DNAH8: variants seen among roughly 807,000 people sequenced by gnomAD.
DNAH8 encodes the protein dynein axonemal heavy chain 8, also known as axonemal beta dynein heavy chain 8.
A neutral mutation model predicts 562.1 loss-of-function variants in DNAH8; 382 were observed. The ratio of observed to expected loss-of-function variants is 0.68; its 90% CI spans 0.63 to 0.74. The LOEUF is 0.74. DNAH8 is among the 30% of genes least tolerant of loss of function. The pLI is 0.00. For missense variants in DNAH8, 5,203 were observed against 5,620.4 expected (o/e 0.93, Z 2.37); for synonymous variants, 1,881 against 1,919.4 (o/e 0.98, Z 0.52).
chr6:38,915,867 CAT>C (rs1781277002), intron 68 of DNAH8, among the ~76,000 whole-genome samples: 1 of 141,512 alleles, frequency 7.1e-6, no homozygotes, highest in Middle Eastern at 3.6e-3. Context: ...CACACACACA[CAT>C]ACATACACAT....
At chr6:38,918,514 GA>G (rs1781474136) in intron 70 of DNAH8, among the ~76,000 whole-genome samples, 2 of 152,178 alleles carry the variant, frequency 1.3e-5, no homozygotes, top group Non-Finnish European at 1.5e-5. Flanking sequence ...TTGACACCTA[GA>G]AAGGTTTTAA....
In DNAH8 at chr6:38,823,021, A is replaced by G; in HGVS notation, c.3707A>G (p.Asp1236Gly). The change falls in exon 27 of 93, where the codon GAT (aspartate) becomes GGT (glycine). Residue 1236 changes from aspartate to glycine, a missense_variant. Asp to Gly is a moderately conservative substitution (Grantham distance 94). Coordinates refer to ENST00000327475, the MANE Select transcript of DNAH8 (RefSeq NM_001206927.2). ...KYKTLWTEDR[D>G]VKVKEFLANN... The stretch of plus-strand genomic sequence containing the variant: ...AAGACTCTCTGGACAGAGGACCGCG[A>G]TGTGAAAGTGAAGGTGTCTTTCTGC... The G allele has an allele frequency of 6.3e-7, 1 of 1,574,980 alleles. No homozygotes were observed. The highest frequency in any genetic ancestry group is 1.2e-5 in the South Asian group (1 of 84,124).
chr6:38,982,361 G>A lies in DNAH8; in HGVS notation c.12850G>A (p.Gly4284Ser). ...TGTTTTTAAGGAGCGACGAAAATTT[G>A]GCCCCTTAGGATGGAATATTCCCTA... ...HSTVQERRKF[G>S]PLGWNIPYEF... The change falls in exon 86 of 93, where the codon GGC (glycine) becomes AGC (serine). Residue 4284 changes from glycine (G) to serine (S), a missense_variant. Coordinates refer to ENST00000327475, the MANE Select transcript of DNAH8 (RefSeq NM_001206927.2). 6.3e-7 allele frequency: 1 copy of A among 1,593,954 alleles called. No individual in the cohort carries two copies. The highest frequency in any genetic ancestry group is 8.6e-7 in the Non-Finnish European group (1 of 1,163,228).
chr6:38,949,401 AT>A, intron 80 of DNAH8, 50 bp from the exon 81 acceptor site: 2 of 1,108,598 alleles, frequency 1.8e-6, no homozygotes, highest in Non-Finnish European at 2.8e-6. Flanking sequence ...TTTGTAATAT[AT>A]TCCACTTACA....
In DNAH8 at chr6:38,906,331, C is replaced by T; in HGVS notation, c.9272C>T (p.Thr3091Ile). The stretch of plus-strand genomic sequence containing the variant: ...GCTGGTGCTGATGGAAAAGGCATCA[C>T]TTTCATCTTTACTGACAGTGAAATA... ...KVAGADGKGI[T>I]FIFTDSEIKD... Residue 3091 changes from threonine (T) to isoleucine (I), a missense_variant, in exon 63 of 93, where the codon ACT (threonine) becomes ATT (isoleucine). By Grantham distance (89) the Thr-to-Ile change is moderately conservative (BLOSUM62 -1). This residue lies in a region of DNAH8 where 977 missense variants were observed against 1,061.8 expected (regional missense o/e 0.92). Transcript: ENST00000327475. 1 of 1,610,926 alleles carries T rather than the reference C, an allele frequency of 6.2e-7. No individual in the cohort carries two copies. The highest frequency in any genetic ancestry group is 1.1e-5 in the South Asian group (1 of 90,786).
In DNAH8 at chr6:38,734,607, T is replaced by C; in HGVS notation, c.744T>C (p.Asn248=). Residue 248 remains asparagine (N), a synonymous_variant, in exon 5 of 93, where the codon AAT becomes AAC. Transcript: ENST00000327475. Reference sequence around the variant, plus strand: ...GTTGCCGTAATGATGTTGCTATAAATGTTAAAACTATTCAAGAGGTATGTT... The same window carrying C: ...GTTGCCGTAATGATGTTGCTATAAACGTTAAAACTATTCAAGAGGTATGTT... ...FVRCRNDVAI[N]VKTIQEEALF... The C allele has an allele frequency of 6.2e-7, 1 of 1,612,694 alleles. No individual in the cohort carries two copies. Among genetic ancestry groups the C allele is most frequent in the Non-Finnish European group, 8.5e-7 (1 of 1,179,820 alleles).
chr6:39,019,233 T>A (rs1449521198), intron 91 of DNAH8, among the ~76,000 whole-genome samples: 1 of 151,918 alleles, frequency 6.6e-6, no homozygotes, highest in Non-Finnish European at 1.5e-5. Context: ...AGAAATGTGC[T>A]CCAGGCAGGC....
chr6:38,782,624 T>C (rs1768746637), intron 16 of DNAH8, among the ~76,000 whole-genome samples: 1 of 152,194 alleles, frequency 6.6e-6, no homozygotes, highest in Non-Finnish European at 1.5e-5. Context: ...TTACCTTTTT[T>C]TGCGTGCTGG....
chr6:38,957,387 C>T (rs1240611469), intron 82 of DNAH8, among the ~76,000 whole-genome samples: 2 of 150,702 alleles, frequency 1.3e-5, no homozygotes, highest in Non-Finnish European at 3.0e-5. Context: ...TAGTAGGGGG[C>T]TTCAACATCC....
intron 54 of DNAH8, 79 bp downstream of exon 54, chr6:38,883,131 C>T: frequency 9.3e-6 from 13 of 1,397,134 alleles, no homozygotes; most frequent in Non-Finnish European, 1.2e-5. Flanking sequence ...TTTCTTCCAG[C>T]ACTTTTATAG....
chr6:38,863,543 A>G (rs1776805595), intron 44 of DNAH8, among the ~76,000 whole-genome samples: 1 of 152,114 alleles, frequency 6.6e-6, no homozygotes, highest in South Asian at 2.1e-4. Context: ...ACCATCCCCA[A>G]ACAACTTCGA....
chr6:38,945,685 C>T (rs1325179913), intron 80 of DNAH8, 97 bp downstream of exon 80: 7 of 1,507,346 alleles, frequency 4.6e-6, no homozygotes, highest in Non-Finnish European at 6.3e-6. Flanking sequence ...TTCCTTCACC[C>T]AAAAAAGTCA....
intron 17 of DNAH8, among the ~76,000 whole-genome samples, chr6:38,783,655 T>G (rs1768861011): frequency 6.6e-6 from 1 of 152,186 alleles, no homozygotes; most frequent in Non-Finnish European, 1.5e-5. Context: ...GGAGGGCTTA[T>G]GTGTTGCCAA....
At chr6:38,958,800 G>A (rs1762433810) in intron 82 of DNAH8, among the ~76,000 whole-genome samples, 1 of 151,974 alleles carries the variant, frequency 6.6e-6, no homozygotes, top group South Asian at 2.1e-4. Context: ...TATGAGACTA[G>A]CATTACTCTA....
intron 14 of DNAH8, 128 bp downstream of exon 14, chr6:38,778,592 T>G (rs1768286158): frequency 1.8e-6 from 1 of 551,310 alleles, no homozygotes; most frequent in East Asian, 3.1e-5. Context: ...AACATAAACT[T>G]TTCAATTACC....
At chr6:38,979,139 G>A (rs1245894438) in intron 85 of DNAH8, among the ~76,000 whole-genome samples, 2 of 152,202 alleles carry the variant, frequency 1.3e-5, no homozygotes, top group South Asian at 2.1e-4. Flanking sequence ...TGCCAAGCCT[G>A]GAAGTCTCTT....
chr6:38,956,674 AAAAAC>A lies in DNAH8; in HGVS notation c.12451+5172_12451+5176del, dbSNP rs535952132. Among the ~76,000 whole-genome samples, 403 of 152,332 alleles carry A rather than the reference AAAAAC, an allele frequency of 2.6e-3. 3 individuals are homozygous for A. The highest frequency in any genetic ancestry group is 9.0e-3 in the African/African-American group (376 of 41,566). ...ACACAGTTCAGGCACATTGTCCCTA[AAAAAC>A]AAAACAAAACAAAACAACAACAACA... On this transcript the variant is annotated intron_variant, in intron 82 of 92. Coordinates refer to ENST00000327475, the MANE Select transcript of DNAH8 (RefSeq NM_001206927.2).
intron 85 of DNAH8, among the ~76,000 whole-genome samples, chr6:38,977,116 A>C (rs570114831): frequency 2.1e-4 from 32 of 152,278 alleles, no homozygotes; most frequent in African/African-American, 7.2e-4. Context: ...CTTTTCTGGG[A>C]GAAGGGGAAG....
Position 38,938,042 on chromosome 6 carries a change from A to C in DNAH8, c.11632A>C (p.Ser3878Arg). 1.9e-6 allele frequency: 3 copies of C among 1,614,080 alleles called. No individual in the cohort carries two copies. The highest frequency in any genetic ancestry group is 2.5e-6 in the Non-Finnish European group (3 of 1,180,016). ...TACCAAGCAGACAGCAGCTGAGGTA[A>C]GTGAAAAGTTGCATGTGGCTGCAGA... The part of the protein sequence containing the change: ...RTTKQTAAEV[S>R]EKLHVAAETE... The change falls in exon 78 of 93, where the codon AGT (serine) becomes CGT (arginine). Residue 3878 changes from serine (S) to arginine (R), a missense_variant. By Grantham distance (110) the Ser-to-Arg change is moderately radical. Transcript: ENST00000327475.
Sources: allele counts gnomAD v4.1 joint callset (sites outside exome capture counted in the v4.1 genomes callset), GRCh38; gene constraint gnomAD v4.1.1; regional missense constraint gnomAD v4.1.1; transcripts MANE v1.5; gene names NCBI Gene and HGNC (gene_info 2026-07-23, HGNC 2026-07-21).